PIP4K2A: variants seen among roughly 807,000 people sequenced by gnomAD.
PIP4K2A encodes phosphatidylinositol-5-phosphate 4-kinase type 2 alpha, also known as phosphatidylinositol 5-phosphate 4-kinase type-2 alpha.
A neutral mutation model predicts 42.9 loss-of-function variants in PIP4K2A; 14 were observed. The ratio of observed to expected loss-of-function variants is 0.33; its 90% CI spans 0.22 to 0.51. PIP4K2A has a LOEUF of 0.51. PIP4K2A is among the 20% of genes least tolerant of loss of function. The pLI, the probability that PIP4K2A is intolerant of heterozygous loss-of-function variation, is 0.97. For missense variants in PIP4K2A, 434 were observed against 519.8 expected, an observed-to-expected ratio of 0.83 and a Z score of 1.61; for synonymous variants, 192 against 192.2, an observed-to-expected ratio of 1.00 and a Z score of 0.01.
intron 6 of PIP4K2A, among the ~76,000 whole-genome samples, chr10:22,560,044 A>G (rs1836646670): frequency 6.6e-6 from 1 of 152,186 alleles, no homozygotes; most frequent in African/African-American, 2.4e-5. Context: ...TCTGAGAAAG[A>G]AGCCCTGCTT....
At chr10:22,578,832 T>C (rs1837185926) in intron 4 of PIP4K2A, among the ~76,000 whole-genome samples, 1 of 152,174 alleles carries the variant, frequency 6.6e-6, no homozygotes, top group African/African-American at 2.4e-5. Flanking sequence ...AACCATTTCA[T>C]ATACAACTGT....
chr10:22,561,565 GTTT>G (rs71394001), intron 6 of PIP4K2A, among the ~76,000 whole-genome samples: 4,322 of 113,402 alleles, frequency 0.038, 947 homozygotes, highest in African/African-American at 0.14. Flanking sequence ...TCTCTACGCA[GTTT>G]TTTTTTTTTT....
intron 1 of PIP4K2A, among the ~76,000 whole-genome samples, chr10:22,670,493 A>C (rs1338006203): frequency 6.6e-6 from 1 of 152,188 alleles, no homozygotes; most frequent in African/African-American, 2.4e-5. Flanking sequence ...ACAGGGGTTC[A>C]TTTATTCACC....
intron 1 of PIP4K2A, among the ~76,000 whole-genome samples, chr10:22,658,202 C>T (rs1839138733): frequency 6.6e-6 from 1 of 152,138 alleles, no homozygotes; most frequent in Non-Finnish European, 1.5e-5. Context: ...CAAAATGTCA[C>T]ACCACAATAC....
intron 4 of PIP4K2A, among the ~76,000 whole-genome samples, chr10:22,577,727 T>A (rs533177604): frequency 6.6e-6 from 1 of 152,334 alleles, no homozygotes; most frequent in Admixed American, 6.5e-5. Context: ...CTTGTCGGGT[T>A]CTTGAGCATC....
intron 4 of PIP4K2A, among the ~76,000 whole-genome samples, chr10:22,589,960 A>C (rs1761876199): frequency 6.6e-6 from 1 of 152,214 alleles, no homozygotes; most frequent in African/African-American, 2.4e-5. Context: ...CTAATCCCCA[A>C]GTGATGGTAT....
intron 1 of PIP4K2A, among the ~76,000 whole-genome samples, chr10:22,686,960 C>CT (rs1196515908): frequency 6.6e-6 from 1 of 152,216 alleles, no homozygotes; most frequent in Non-Finnish European, 1.5e-5. Context: ...CGCGCACATT[C>CT]TGTCTCCTGC....
At chr10:22,692,587 T>G (rs145654265) in intron 1 of PIP4K2A, among the ~76,000 whole-genome samples, 1 of 152,350 alleles carries the variant, frequency 6.6e-6, no homozygotes, top group East Asian at 1.9e-4. Context: ...AGGCACTTGG[T>G]GTCTCTTTTC....
chr10:22,674,779 C>T (rs2130866674), intron 1 of PIP4K2A, among the ~76,000 whole-genome samples: 1 of 136,666 alleles, frequency 7.3e-6, no homozygotes, highest in South Asian at 2.3e-4. Flanking sequence ...CAGTCTCTAC[C>T]AAAAAATAAA....
At chr10:22,548,013 GCAA>G (rs1333586492) in intron 7 of PIP4K2A, among the ~76,000 whole-genome samples, 5 of 152,268 alleles carry the variant, frequency 3.3e-5, no homozygotes, top group African/African-American at 9.6e-5. Flanking sequence ...AGGAAAAACA[GCAA>G]CAACAACAAA....
chr10:22,540,152 G>A, intron 8 of PIP4K2A, 78 bp from the exon 9 acceptor site: 1 of 787,258 alleles, frequency 1.3e-6, no homozygotes, highest in South Asian at 1.4e-5. Context: ...GAGGGAGGGA[G>A]GGAGAAGTGA....
intron 6 of PIP4K2A, chr10:22,567,555 T>G: frequency 1.6e-6 from 1 of 624,326 alleles, no homozygotes; most frequent in Admixed American, 2.1e-5. Context: ...AGTGCCATTT[T>G]CGATTATAGG....
At chr10:22,682,900 G>A (rs951352850) in intron 1 of PIP4K2A, among the ~76,000 whole-genome samples, 4 of 152,162 alleles carry the variant, frequency 2.6e-5, no homozygotes, top group East Asian at 1.9e-4. Context: ...CATCATTTGC[G>A]TCTGAAAATC....
At chr10:22,634,137 G>A (rs1224726957) in intron 1 of PIP4K2A, among the ~76,000 whole-genome samples, 1 of 152,234 alleles carries the variant, frequency 6.6e-6, no homozygotes, top group African/African-American at 2.4e-5. Context: ...CAGAGCAGCT[G>A]AGAGGCAATG....
intron 1 of PIP4K2A, among the ~76,000 whole-genome samples, chr10:22,710,173 C>A (rs1833890028): frequency 6.6e-6 from 1 of 152,104 alleles, no homozygotes; most frequent in South Asian, 2.1e-4. Context: ...ACCAAGGACA[C>A]CATGAATTCT....
At chr10:22,670,146 A>G (rs926273448) in intron 1 of PIP4K2A, among the ~76,000 whole-genome samples, 4 of 152,232 alleles carry the variant, frequency 2.6e-5, no homozygotes, top group African/African-American at 4.8e-5. Flanking sequence ...TGGGAGGCCA[A>G]TGCAGGAGGG....
At chr10:22,556,493 C>G (rs1836552722) in intron 6 of PIP4K2A, among the ~76,000 whole-genome samples, 1 of 152,142 alleles carries the variant, frequency 6.6e-6, no homozygotes, top group Non-Finnish European at 1.5e-5. Flanking sequence ...AATTTATGAT[C>G]TTTATTCAAT....
At chr10:22,549,109 C>A (rs1398419398) in intron 7 of PIP4K2A, among the ~76,000 whole-genome samples, 1 of 152,144 alleles carries the variant, frequency 6.6e-6, no homozygotes, top group Non-Finnish European at 1.5e-5. Context: ...TATATAGGTT[C>A]TAATCCAAGT....
At chr10:22,631,459 GAA>G (rs1262776787) in intron 1 of PIP4K2A, among the ~76,000 whole-genome samples, 1 of 152,172 alleles carries the variant, frequency 6.6e-6, no homozygotes, top group Non-Finnish European at 1.5e-5. Flanking sequence ...CTGCAGGCCA[GAA>G]AGAGACCCCT....
Sources: allele counts gnomAD v4.1 joint callset (sites outside exome capture counted in the v4.1 genomes callset), GRCh38; gene constraint gnomAD v4.1.1; transcripts MANE v1.5; gene names NCBI Gene and HGNC (gene_info 2026-07-23, HGNC 2026-07-21).